LAT2: variants seen among roughly 807,000 people sequenced by gnomAD.
LAT2 encodes the protein linker for activation of T cells family member 2, also known as linker for activation of T-cells family member 2.
In LAT2, 23 loss-of-function variants were observed where a neutral mutation model predicts 43.4. The observed-to-expected ratio is 0.53, with a 90% confidence interval of 0.38 to 0.75. The LOEUF (loss-of-function observed/expected upper bound fraction) is 0.75. Ranked by LOEUF, LAT2 falls within the 30% of genes least tolerant of loss-of-function variation. LAT2 has a pLI of 0.00. For synonymous variants in LAT2, 128 were observed against 123.2 expected, an observed-to-expected ratio of 1.04 and a Z score of -0.26; for missense variants, 284 against 310.2, an observed-to-expected ratio of 0.92 and a Z score of 0.64.
At chr7:74,213,570 G>A (rs1034533239) in intron 1 of LAT2, among the ~76,000 whole-genome samples, 6 of 151,802 alleles carry the variant, frequency 4.0e-5, no homozygotes, top group East Asian at 1.9e-4. Context: ...GATCACAGGC[G>A]TGTGCCACCA....
chr7:74,218,821 C>T (rs187224019), intron 4 of LAT2, among the ~76,000 whole-genome samples: 95 of 152,190 alleles, frequency 6.2e-4, no homozygotes, highest in African/African-American at 2.1e-3. Flanking sequence ...CTCAGCCTCC[C>T]GAGTAGCTGG....
intron 1 of LAT2, among the ~76,000 whole-genome samples, chr7:74,214,333 A>T (rs180768575): frequency 1.0e-3 from 35 of 33,536 alleles, no homozygotes; most frequent in Non-Finnish European, 1.6e-3. Context: ...TATATATATA[A>T]ATATATATAT....
intron 1 of LAT2, among the ~76,000 whole-genome samples, chr7:74,214,445 A>T (rs868965215): frequency 3.4e-5 from 2 of 58,916 alleles, no homozygotes; most frequent in African/African-American, 1.3e-4. Context: ...TATATATATA[A>T]ATATATATAT....
At chr7:74,212,935 T>C (rs776208665) in intron 1 of LAT2, among the ~76,000 whole-genome samples, 6 of 152,128 alleles carry the variant, frequency 3.9e-5, no homozygotes, top group Non-Finnish European at 8.8e-5. Context: ...GATGCGCCTC[T>C]TACAGAGGCT....
At position 74,220,531 on chromosome 7, in the gene LAT2, G is replaced by C. The variant is rs1554715030; in HGVS notation, c.266-53G>C. The C allele has an allele frequency of 1.2e-6, 2 of 1,610,412 alleles. No individual in the cohort carries two copies. Among genetic ancestry groups the C allele is most frequent in the East Asian group, 2.2e-5 (1 of 44,842 alleles). ...TGCCTTGGGCTGCAGCACCCGAGCT[G>C]GGTGCAAAGCAGGGGCCAGGGGAGA... On this transcript the variant is annotated intron_variant, in intron 7 of 13. Transcript: ENST00000460943. This position sits in a 1 kb window ranked among gnomAD's most constrained non-coding sequence, Gnocchi z 4.5.
chr7:74,218,254 T>G lies in LAT2; in HGVS notation c.134+1390T>G, dbSNP rs529880678. Among the ~76,000 whole-genome samples the G allele has an allele frequency of 2.0e-5, 3 of 152,294 alleles. No homozygotes were observed. The East Asian group carries it at 5.8e-4, about 29-fold the overall frequency. ...CTGCTGTGAGCACAGGCTCCGTTCC[T>G]CTGTTGCTTCTCCCAGGAAGCCACG... On this transcript the variant is annotated intron_variant, in intron 4 of 13. Transcript: ENST00000460943.
chr7:74,213,868 A>G (rs569967713), intron 1 of LAT2, among the ~76,000 whole-genome samples: 1 of 151,264 alleles, frequency 6.6e-6, no homozygotes, highest in South Asian at 2.1e-4. Context: ...TGTTGGCTCC[A>G]CAAATGCCCA....
At chr7:74,226,840 T>C (rs2116201950) in intron 13 of LAT2, among the ~76,000 whole-genome samples, 1 of 152,106 alleles carries the variant, frequency 6.6e-6, no homozygotes. Flanking sequence ...TCACCCCATC[T>C]GGGGGAAGGA....
intron 1 of LAT2, among the ~76,000 whole-genome samples, chr7:74,210,490 T>C (rs1801692720): frequency 6.6e-6 from 1 of 152,148 alleles, no homozygotes; most frequent in African/African-American, 2.4e-5. Context: ...GCCCAGGTCT[T>C]GCCCCAGGTC....
At chr7:74,221,064 G>A (rs1332672541) in intron 9 of LAT2, among the ~76,000 whole-genome samples, 9 of 152,206 alleles carry the variant, frequency 5.9e-5, no homozygotes, top group Middle Eastern at 3.4e-3. Flanking sequence ...AGAATCCCTC[G>A]GGGGTGTTGC....
Position 74,219,768 on chromosome 7 carries a change from G to C in LAT2, c.159G>C (p.Thr53=). 1 of 1,614,102 alleles carries C rather than the reference G, an allele frequency of 6.2e-7. No individual in the cohort carries two copies. The highest frequency in any genetic ancestry group is 8.5e-7 in the Non-Finnish European group (1 of 1,180,020). Reference sequence around the variant, plus strand: ...GGCGTGAGGACCAACAGAGCTTTACGGGGTCCCGGACCTACTCCTGTGAGT... The same window carrying C: ...GGCGTGAGGACCAACAGAGCTTTACCGGGTCCCGGACCTACTCCTGTGAGT... ...RSLREDQQSF[T]GSRTYSLVGQ... is the part of the protein sequence containing the mutation. The change falls in exon 5 of 14, where the codon ACG becomes ACC. Residue 53 remains threonine (T), a synonymous_variant. Coordinates refer to ENST00000460943, the MANE Select transcript of LAT2 (RefSeq NM_032464.3).
chr7:74,221,340 G>A (rs1465566032), intron 9 of LAT2, among the ~76,000 whole-genome samples: 2 of 150,736 alleles, frequency 1.3e-5, no homozygotes, highest in African/African-American at 4.9e-5. Context: ...GCTTGAACCT[G>A]GGAGGCTGAG....
rs1554715053 is a variant in LAT2 at position 74,220,625 on chromosome 7, T to C, written c.301+6T>C. The C allele has an allele frequency of 1.9e-6, 3 of 1,613,774 alleles. No homozygotes were observed. Among genetic ancestry groups the C allele is most frequent in the East Asian group, 2.2e-5 (1 of 44,882 alleles). On this transcript the variant is annotated splice_donor_region_variant and intron_variant, in intron 8 of 13. Transcript: ENST00000460943. The surrounding 1 kb of genome is among the most constrained non-coding windows in gnomAD (Gnocchi z 4.5). Reference sequence around the variant, plus strand: ...GTACCAGAACTTCAGCAAAGGTAGGTAGGCTCCTGGAGAAAGGGGGAGGCC... The same window carrying C: ...GTACCAGAACTTCAGCAAAGGTAGGCAGGCTCCTGGAGAAAGGGGGAGGCC...
intron 5 of LAT2, 52 bp from the exon 6 acceptor site, chr7:74,219,908 G>C: frequency 6.2e-7 from 1 of 1,612,478 alleles, no homozygotes; most frequent in Non-Finnish European, 8.5e-7. Context: ...TGGGGTGAGG[G>C]GGCTGGGCTA....
chr7:74,219,637 G>A (rs1584219060), intron 4 of LAT2, 107 bp from the exon 5 acceptor site: 17 of 1,357,706 alleles, frequency 1.3e-5, no homozygotes, highest in Middle Eastern at 1.9e-4. Context: ...GCCCCAGTCC[G>A]TCCCTCTGCT....
chr7:74,222,002 C>T (rs550698754), intron 10 of LAT2, among the ~76,000 whole-genome samples: 1 of 152,006 alleles, frequency 6.6e-6, no homozygotes, highest in Non-Finnish European at 1.5e-5. Flanking sequence ...AGCATCTTCT[C>T]CTGACCCCAG....
chr7:74,227,857 A>G (rs1802546713), intron 13 of LAT2, among the ~76,000 whole-genome samples: 1 of 149,606 alleles, frequency 6.7e-6, no homozygotes, highest in Non-Finnish European at 1.5e-5. Flanking sequence ...TGGGCCACAG[A>G]GCAAGACGCT....
At chr7:74,227,430 G>A (rs1274041271) in intron 13 of LAT2, among the ~76,000 whole-genome samples, 1 of 152,044 alleles carries the variant, frequency 6.6e-6, no homozygotes, top group African/African-American at 2.4e-5. Context: ...ATGTTGGCCA[G>A]GCTGGTCTCA....
At chr7:74,217,517 G>A (rs972224000) in intron 4 of LAT2, among the ~76,000 whole-genome samples, 30 of 152,328 alleles carry the variant, frequency 2.0e-4, no homozygotes, top group Admixed American at 1.9e-3. Context: ...ATCCCCAGGG[G>A]CTAGTCCGCT....
Sources: gnomAD v4.1 joint callset for allele counts (sites outside exome capture counted in the v4.1 genomes callset) on GRCh38, gnomAD v4.1.1 for gene constraint, Gnocchi (gnomAD v3.1) non-coding constraint, MANE v1.5 for transcripts, NCBI Gene and HGNC (gene_info 2026-07-23, HGNC 2026-07-21) for gene names.